The following MYSM1 variants were observed in gnomAD, a reference collection of about 807,000 sequenced individuals.
The protein encoded by MYSM1 is Myb like, SWIRM and MPN domains 1, also known as deubiquitinase MYSM1.
Under a neutral mutation model 116.0 loss-of-function variants are expected in MYSM1, and 51 were observed. The observed-to-expected ratio is 0.44, with a 90% confidence interval of 0.35 to 0.56. The LOEUF is 0.56. Ranked by LOEUF, MYSM1 falls within the 20% of genes least tolerant of loss-of-function variation. The probability of loss-of-function intolerance (pLI) is 0.00; values close to 1 mark genes in which losing one functional copy is unlikely to be tolerated. For missense variants in MYSM1, 900 were observed against 974.9 expected (o/e 0.92, Z 1.02); for synonymous variants, 313 against 315.2 (o/e 0.99, Z 0.07).
Position 58,661,224 on chromosome 1 carries a change from G to T in MYSM1, c.2274C>A (p.Ser758Arg). 1 of 1,612,290 alleles carries T rather than the reference G, an allele frequency of 6.2e-7. No individual in the cohort carries two copies. The highest frequency in any genetic ancestry group is 8.5e-7 in the Non-Finnish European group (1 of 1,178,616). Residue 758 changes from serine to arginine, a missense_variant, in exon 19 of 20, where the codon AGC becomes AGA. By Grantham distance (110) the Ser-to-Arg change is moderately radical. This residue lies in a region of MYSM1 where 186 missense variants were observed against 196.2 expected (regional missense o/e 0.95). Transcript: ENST00000472487. Reference protein sequence around the residue: ...IIEKYRLSHSSVPMDKIFRRD... With the variant: ...IIEKYRLSHSRVPMDKIFRRD... Reference sequence around the variant, plus strand: ...GGCGAAAGATTTTATCCATGGGGACGCTGCTGTAGGAAGAAATATGAAAAC... The same window carrying T: ...GGCGAAAGATTTTATCCATGGGGACTCTGCTGTAGGAAGAAATATGAAAAC...
chr1:58,685,248 TA>T lies in MYSM1; in HGVS notation c.402del (p.Lys135AsnfsTer12). 1 of 1,606,904 alleles carries T rather than the reference TA, an allele frequency of 6.2e-7. No homozygotes were observed. The highest frequency in any genetic ancestry group is 8.5e-7 in the Non-Finnish European group (1 of 1,177,638). On this transcript the variant is annotated frameshift_variant and splice_region_variant, in exon 7 of 20. Coordinates refer to ENST00000472487, the MANE Select transcript of MYSM1 (RefSeq NM_001085487.3). LOFTEE classifies it high-confidence loss of function. ...EEKELFEQGLAKFGRRWTKIS... is the reference protein window; with the variant it reads ...EEKELFEQGLXKFGRRWTKIS... Reference sequence around the variant, plus strand: ...ATTTTGGTCCATCTTCGGCCAAATTTAGCCTGTATTATTAAAATGGGAAAAA... The same window carrying T: ...ATTTTGGTCCATCTTCGGCCAAATTTGCCTGTATTATTAAAATGGGAAAAA...
rs554896996 is a variant in MYSM1 at position 58,669,047 on chromosome 1, GA to G, written c.1662-10del. 2.9e-4 allele frequency: 457 copies of G among 1,569,624 alleles called. 5 individuals are homozygous for G. In the South Asian group the frequency reaches 5.1e-3, roughly 18 times the overall value. On this transcript the variant is annotated splice_polypyrimidine_tract_variant and intron_variant, in intron 12 of 19. Coordinates refer to ENST00000472487, the MANE Select transcript of MYSM1 (RefSeq NM_001085487.3). Reference sequence around the variant, plus strand: ...GGAAGGGATCAAACGAGCTGAAAAAGAAAAAAAATTTTCAATACAATCTCAA... The same window carrying G: ...GGAAGGGATCAAACGAGCTGAAAAAGAAAAAAATTTTCAATACAATCTCAA...
In MYSM1 at chr1:58,670,834, A is replaced by T. The variant is rs530578132; in HGVS notation, c.1661+1036T>A. On this transcript the variant is annotated intron_variant, in intron 12 of 19. Transcript: ENST00000472487. ...GAAATGTTAATGATACAGTGCTACA[A>T]AGGCTAAAATGAGAAAAGTGGATCT... Among the ~76,000 whole-genome samples the T allele has an allele frequency of 1.4e-4, 21 of 152,320 alleles. 1 individual carries two copies. The highest frequency in any genetic ancestry group is 2.6e-4 in the Admixed American group (4 of 15,302).
chr1:58,679,122 A>T (rs1338722727), intron 8 of MYSM1, among the ~76,000 whole-genome samples: 3 of 152,276 alleles, frequency 2.0e-5, no homozygotes, highest in Admixed American at 2.0e-4. Context: ...AAGAATCTTT[A>T]TCTATAAACA....
chr1:58,666,162 A>G (rs1206815286), intron 16 of MYSM1, among the ~76,000 whole-genome samples: 2 of 152,178 alleles, frequency 1.3e-5, no homozygotes, highest in African/African-American at 4.8e-5. Flanking sequence ...ACCAAATCCA[A>G]AATGACCCTT....
rs780123646 is a variant in MYSM1 at position 58,700,062 on chromosome 1, T to C, written c.-10A>G. 13 of 1,613,404 alleles carry C rather than the reference T, an allele frequency of 8.1e-6. No homozygotes were observed. The highest frequency in any genetic ancestry group is 1.6e-4 in the Middle Eastern group (1 of 6,082). On this transcript the variant is annotated 5_prime_UTR_variant, in exon 1 of 20. Coordinates refer to ENST00000472487, the MANE Select transcript of MYSM1 (RefSeq NM_001085487.3). ...CCTCTTCAGCCGCCATGATGGGACC[T>C]GACCCCGTCCGTCCTCCCGAGAGAT...
At chr1:58,695,490 T>C (rs1031521620) in intron 1 of MYSM1, among the ~76,000 whole-genome samples, 1 of 152,130 alleles carries the variant, frequency 6.6e-6, no homozygotes, top group Non-Finnish European at 1.5e-5. Flanking sequence ...AGGAAAACAA[T>C]ACCCCAAAGC....
In MYSM1 at chr1:58,654,825, AG is replaced by A. The variant is rs532287362; in HGVS notation, c.*5171del. On this transcript the variant is annotated 3_prime_UTR_variant, in exon 20 of 20. Transcript: ENST00000472487. ...GAACAAAATCCAAAAGCTTAAAATC[AG>A]ATATCTTATAATGTGTCACAATTAA... is the stretch of plus-strand genomic sequence containing the variant. The A allele has an allele frequency of 7.2e-5, 11 of 152,194 alleles. No homozygotes were observed. Among genetic ancestry groups the A allele is most frequent in the Admixed American group, 4.6e-4 (7 of 15,310 alleles). 9.4% of individuals were successfully genotyped at this position (152,194 alleles called of 1,614,324 possible). A position where few individuals can be genotyped will look rare whatever the true frequency, so the allele number is the denominator to read the frequency against.
chr1:58,685,399 T>C (rs973206327), intron 6 of MYSM1, 148 bp from the exon 7 acceptor site: 25 of 491,270 alleles, frequency 5.1e-5, no homozygotes, highest in South Asian at 1.3e-4. Flanking sequence ...ATATAGACTA[T>C]GCTCTTAAAA....
intron 1 of MYSM1, among the ~76,000 whole-genome samples, chr1:58,698,055 T>G (rs1645004037): frequency 7.4e-6 from 1 of 134,286 alleles, no homozygotes; most frequent in Admixed American, 7.9e-5. Flanking sequence ...CGGTTGGAGC[T>G]CCAACACCAC....
At chr1:58,697,534 A>C (rs1464534153) in intron 1 of MYSM1, among the ~76,000 whole-genome samples, 1 of 152,104 alleles carries the variant, frequency 6.6e-6, no homozygotes, top group Non-Finnish European at 1.5e-5. Flanking sequence ...GGAGTAAAGA[A>C]CATAAGAAAA....
chr1:58,660,700 A>C (rs943993612), intron 19 of MYSM1, among the ~76,000 whole-genome samples: 1 of 152,162 alleles, frequency 6.6e-6, no homozygotes, highest in Non-Finnish European at 1.5e-5. Flanking sequence ...CAAATGTTGC[A>C]GATCTACTAG....
intron 17 of MYSM1, among the ~76,000 whole-genome samples, chr1:58,662,177 A>C (rs1644402280): frequency 6.6e-6 from 1 of 152,112 alleles, no homozygotes. Flanking sequence ...GCTTTGAGTC[A>C]AAGTTGTTAT....
rs1250541008 is a variant in MYSM1, at chr1:58,657,868, A to G, written c.*2129T>C. ...CAAATATGGTTAAACATTGGCACAC[A>G]GGGCAAGGAGACTCAGATTTGAGAG... On this transcript the variant is annotated 3_prime_UTR_variant, in exon 20 of 20. Coordinates refer to ENST00000472487, the MANE Select transcript of MYSM1 (RefSeq NM_001085487.3). 1.3e-5 allele frequency: 2 copies of G among 152,216 alleles called. No individual in the cohort carries two copies. The highest frequency in any genetic ancestry group is 4.8e-5 in the African/African-American group (2 of 41,458). 9.4% of individuals were successfully genotyped at this position (152,216 alleles called of 1,614,324 possible). A position where few individuals can be genotyped will look rare whatever the true frequency, so the allele number is the denominator to read the frequency against.
Position 58,681,869 on chromosome 1 carries a change from T to C in MYSM1, c.1175A>G (p.Gln392Arg), listed in dbSNP as rs752787642. ...DRNIIQEEEKQAIPEFFEGRQ... is the reference protein window; with the variant it reads ...DRNIIQEEEKRAIPEFFEGRQ... ...CCCCTCAAAAAACTCAGGAATTGCTTGTTTTTCTTCTTCTTGAATGATATT... is the reference window on the plus strand; with the variant it reads ...CCCCTCAAAAAACTCAGGAATTGCTCGTTTTTCTTCTTCTTGAATGATATT... Residue 392 changes from glutamine to arginine, a missense_variant, in exon 8 of 20, where the codon CAA (glutamine) becomes CGA (arginine). Around this residue, in one of 3 missense-constraint regions of MYSM1, gnomAD observed 622 missense variants for 623.7 expected, o/e 1.00. Transcript: ENST00000472487. The C allele has an allele frequency of 9.3e-6, 15 of 1,613,484 alleles. No homozygotes were observed. The highest frequency in any genetic ancestry group is 8.3e-5 in the Admixed American group (5 of 59,888).
chr1:58,698,526 C>T (rs540889144), intron 1 of MYSM1, among the ~76,000 whole-genome samples: 1 of 146,550 alleles, frequency 6.8e-6, no homozygotes, highest in Non-Finnish European at 1.5e-5. Context: ...TAGGCCTCAA[C>T]TAAAATAGGA....
intron 15 of MYSM1, among the ~76,000 whole-genome samples, chr1:58,667,489 T>C (rs1344309809): frequency 6.6e-6 from 1 of 152,172 alleles, no homozygotes; most frequent in East Asian, 1.9e-4. Flanking sequence ...TGTACAAAGG[T>C]ATTCTTTCAA....
In MYSM1 at chr1:58,685,137, C is replaced by T. The variant is rs766022178; in HGVS notation, c.498+16G>A. 1 of 1,538,610 alleles carries T rather than the reference C, an allele frequency of 6.5e-7. No homozygotes were observed. The highest frequency in any genetic ancestry group is 8.8e-7 in the Non-Finnish European group (1 of 1,135,042). On this transcript the variant is annotated intron_variant, in intron 7 of 19. Coordinates refer to ENST00000472487, the MANE Select transcript of MYSM1 (RefSeq NM_001085487.3). The stretch of plus-strand genomic sequence containing the variant: ...AATATTATCATTATTAACCAGGATA[C>T]TGATATTCTGCTTACCTTATTTTTA...
intron 12 of MYSM1, among the ~76,000 whole-genome samples, chr1:58,669,626 A>G (rs893427003): frequency 3.3e-5 from 5 of 152,066 alleles, no homozygotes; most frequent in Non-Finnish European, 5.9e-5. Context: ...TAGGAGTTTG[A>G]GACCAGCCTG....
Sources: allele counts gnomAD v4.1 joint callset (sites outside exome capture counted in the v4.1 genomes callset), GRCh38; gene constraint gnomAD v4.1.1; regional missense constraint gnomAD v4.1.1; transcripts MANE v1.5; gene names NCBI Gene and HGNC (gene_info 2026-07-23, HGNC 2026-07-21).